The following AGBL1 variants were observed in gnomAD, a reference collection of about 807,000 sequenced individuals.
The protein encoded by AGBL1 is AGBL carboxypeptidase 1.
Under a neutral mutation model 118.9 loss-of-function variants are expected in AGBL1, and 130 were observed. The ratio of observed to expected loss-of-function variants is 1.09; its 90% CI spans 0.95 to 1.26. The LOEUF is 1.26. Among genes scored for constraint, AGBL1 ranks in the 50% most tolerant of loss-of-function variants. The pLI, the probability that AGBL1 is intolerant of heterozygous loss-of-function variation, is 0.00. For synonymous variants in AGBL1, 555 were observed against 478.9 expected, an observed-to-expected ratio of 1.16 and a Z score of -2.08; for missense variants, 1,584 against 1,298.1, an observed-to-expected ratio of 1.22 and a Z score of -3.38.
chr15:86,256,336 G>T (rs957857720), intron 7 of AGBL1, among the ~76,000 whole-genome samples: 1 of 152,170 alleles, frequency 6.6e-6, no homozygotes, highest in African/African-American at 2.4e-5. Context: ...TTAGGTACTT[G>T]GGATTCACTT....
intron 17 of AGBL1, among the ~76,000 whole-genome samples, chr15:86,327,017 A>T (rs1470376145): frequency 6.6e-6 from 1 of 151,988 alleles, no homozygotes; most frequent in Non-Finnish European, 1.5e-5. Context: ...GAAAATAGTA[A>T]AGGAGGAACA....
rs192638633 is a variant in AGBL1 at position 86,469,672 on chromosome 15, C to T, written c.2556-53138C>T. 9.9e-5 allele frequency among the ~76,000 whole-genome samples: 15 copies of T among 152,040 alleles called. No homozygotes were observed. In the East Asian group the frequency reaches 1.4e-3, roughly 14 times the overall value. ...AGCTCCATATTGTTTTCTAGGATGC[C>T]GGTACCAATTTGCTTGCCACCAACA... On this transcript the variant is annotated intron_variant, in intron 18 of 22. Transcript: ENST00000614907.
chr15:86,823,674 G>A (rs1241488635), intron 22 of AGBL1, among the ~76,000 whole-genome samples: 1 of 152,152 alleles, frequency 6.6e-6, no homozygotes, highest in Non-Finnish European at 1.5e-5. Context: ...AGGTAAGATT[G>A]GGATAGCGAG....
chr15:86,552,674 A>G (rs1287921705), intron 20 of AGBL1, among the ~76,000 whole-genome samples: 1 of 152,206 alleles, frequency 6.6e-6, no homozygotes, highest in Non-Finnish European at 1.5e-5. Context: ...GGGGAGATAG[A>G]AAACAAACAA....
At chr15:86,758,628 A>G (rs952948162) in intron 22 of AGBL1, among the ~76,000 whole-genome samples, 1 of 152,032 alleles carries the variant, frequency 6.6e-6, no homozygotes, top group Admixed American at 6.6e-5. Context: ...CTAAATTGCC[A>G]TCTGAATTGT....
intron 18 of AGBL1, among the ~76,000 whole-genome samples, chr15:86,464,263 T>C (rs2082369294): frequency 6.6e-6 from 1 of 152,220 alleles, no homozygotes; most frequent in Non-Finnish European, 1.5e-5. Context: ...TGTATAGGAA[T>C]GCTTGTGATT....
intron 1 of AGBL1, among the ~76,000 whole-genome samples, chr15:86,131,943 G>T (rs7174067): frequency 1.4e-5 from 2 of 145,818 alleles, no homozygotes; most frequent in Middle Eastern, 3.5e-3. Context: ...GCAAGACCAT[G>T]TCTCGAAAAA....
At chr15:86,311,286 C>T (rs1440874629) in intron 17 of AGBL1, among the ~76,000 whole-genome samples, 1 of 151,986 alleles carries the variant, frequency 6.6e-6, no homozygotes, top group Non-Finnish European at 1.5e-5. Flanking sequence ...TATTATTCTG[C>T]AAAAAATGGA....
At chr15:86,265,027 G>A (rs2079051051) in intron 11 of AGBL1, among the ~76,000 whole-genome samples, 189 bp downstream of exon 11, 1 of 152,230 alleles carries the variant, frequency 6.6e-6, no homozygotes, top group Non-Finnish European at 1.5e-5. Context: ...AGAATCAAGT[G>A]TGGGGTAGTG....
intron 14 of AGBL1, among the ~76,000 whole-genome samples, chr15:86,271,349 A>G (rs1490367866): frequency 6.6e-6 from 1 of 152,072 alleles, no homozygotes; most frequent in African/African-American, 2.4e-5. Context: ...GGCATGAGCC[A>G]CCATGCCTGG....
intron 1 of AGBL1, among the ~76,000 whole-genome samples, chr15:86,110,724 A>G (rs537313320): frequency 6.6e-6 from 1 of 152,320 alleles, no homozygotes; most frequent in Admixed American, 6.5e-5. Context: ...CTTTGAAGTG[A>G]GAAGTTCAAA....
At chr15:86,440,775 G>C (rs747472533) in intron 18 of AGBL1, among the ~76,000 whole-genome samples, 3 of 152,158 alleles carry the variant, frequency 2.0e-5, no homozygotes, top group African/African-American at 7.2e-5. Context: ...ATGGAAACCA[G>C]GGAGCTTCCA....
chr15:86,737,443 GT>G (rs1567148417), intron 22 of AGBL1, among the ~76,000 whole-genome samples: 2 of 152,074 alleles, frequency 1.3e-5, no homozygotes, highest in African/African-American at 4.8e-5. Context: ...AGTTTGTTTC[GT>G]TTTCTTTTAA....
At chr15:86,450,240 C>G (rs1388102539) in intron 18 of AGBL1, among the ~76,000 whole-genome samples, 1 of 152,178 alleles carries the variant, frequency 6.6e-6, no homozygotes, top group East Asian at 1.9e-4. Flanking sequence ...AATGCTTATC[C>G]TTGACTATCC....
rs149451093 is a variant in AGBL1, at chr15:86,141,155, A to G, written c.52-849A>G. 4.3e-4 allele frequency among the ~76,000 whole-genome samples: 65 copies of G among 152,320 alleles called. 1 individual carries two copies. The East Asian group carries it at 0.011, about 26-fold the overall frequency. ...TTACTTCAGGAGACTCAGCAAGTCC[A>G]CACTGTCTCTGAATTCAGGGTTCTC... On this transcript the variant is annotated intron_variant, in intron 1 of 22. Transcript: ENST00000614907.
At chr15:86,815,042 A>G (rs1385617667) in intron 22 of AGBL1, among the ~76,000 whole-genome samples, 1 of 152,040 alleles carries the variant, frequency 6.6e-6, no homozygotes, top group East Asian at 1.9e-4. Context: ...TTAATATGGC[A>G]GTTGACCACC....
At chr15:86,251,848 T>A (rs907664655) in intron 7 of AGBL1, among the ~76,000 whole-genome samples, 4 of 150,500 alleles carry the variant, frequency 2.7e-5, no homozygotes, top group Admixed American at 2.6e-4. Context: ...CCTACAAGGA[T>A]GCCTGAAACA....
At chr15:86,800,680 C>G (rs1352848809) in intron 22 of AGBL1, among the ~76,000 whole-genome samples, 1 of 152,098 alleles carries the variant, frequency 6.6e-6, no homozygotes, top group Non-Finnish European at 1.5e-5. Flanking sequence ...AAGCATGAGC[C>G]ATATGCTAGC....
At chr15:86,429,496 A>T (rs1250478373) in intron 18 of AGBL1, among the ~76,000 whole-genome samples, 1 of 152,230 alleles carries the variant, frequency 6.6e-6, no homozygotes, top group South Asian at 2.1e-4. Flanking sequence ...TTAAAATTAT[A>T]GCTGGACCCA....
Sources: gnomAD v4.1 joint callset for allele counts (sites outside exome capture counted in the v4.1 genomes callset) on GRCh38, gnomAD v4.1.1 for gene constraint, MANE v1.5 for transcripts, NCBI Gene and HGNC (gene_info 2026-07-23, HGNC 2026-07-21) for gene names.